The following WDPCP variants were observed in gnomAD, a reference collection of about 807,000 sequenced individuals.
The protein encoded by WDPCP is WD repeat-containing and planar cell polarity effector protein fritz homolog.
WDPCP carries 71 observed loss-of-function variants against 93.1 expected under a neutral mutation model. The observed-to-expected ratio is 0.76, with a 90% CI of 0.63 to 0.93. The LOEUF is 0.93. Ranked by LOEUF, WDPCP falls within the 40% of genes least tolerant of loss-of-function variation. WDPCP has a pLI of 0.00. For synonymous variants in WDPCP, 315 were observed against 315.0 expected, an observed-to-expected ratio of 1.00 and a Z score of 0.00; for missense variants, 844 against 887.4, an observed-to-expected ratio of 0.95 and a Z score of 0.62.
At chr2:63,203,821 TTG>T (rs1676107785) in intron 14 of WDPCP, among the ~76,000 whole-genome samples, 1 of 152,252 alleles carries the variant, frequency 6.6e-6, no homozygotes. Context: ...CATGAGAAGT[TTG>T]TCTCTCTGTG....
intron 14 of WDPCP, among the ~76,000 whole-genome samples, chr2:63,183,811 G>T (rs1465862712): frequency 6.6e-6 from 1 of 152,014 alleles, no homozygotes; most frequent in Non-Finnish European, 1.5e-5. Flanking sequence ...TCCAGTGTTT[G>T]GTGTGTATAT....
At chr2:63,302,483 C>A (rs1246726116) in intron 13 of WDPCP, among the ~76,000 whole-genome samples, 1 of 152,010 alleles carries the variant, frequency 6.6e-6, no homozygotes, top group Non-Finnish European at 1.5e-5. Context: ...AATGTTCTTC[C>A]AACTTTGGAA....
chr2:63,829,958 T>C (rs1157816393), upstream of WDPCP, among the ~76,000 whole-genome samples: 1 of 152,058 alleles, frequency 6.6e-6, no homozygotes, highest in Non-Finnish European at 1.5e-5. Flanking sequence ...CAATGTCAAA[T>C]GGATTTTCTT....
At chr2:63,204,814 T>C (rs916703395) in intron 14 of WDPCP, among the ~76,000 whole-genome samples, 1 of 152,212 alleles carries the variant, frequency 6.6e-6, no homozygotes, top group African/African-American at 2.4e-5. Context: ...CTCTTCACTT[T>C]GTGGATTGTT....
intron 9 of WDPCP, among the ~76,000 whole-genome samples, chr2:63,407,480 C>T (rs181719982): frequency 1.3e-5 from 2 of 152,294 alleles, no homozygotes; most frequent in African/African-American, 4.8e-5. Flanking sequence ...CTCCTACAGT[C>T]TCCCCTCCAG....
intron 2 of WDPCP, among the ~76,000 whole-genome samples, chr2:63,711,865 A>G (rs531850028): frequency 6.6e-6 from 1 of 152,334 alleles, no homozygotes; most frequent in East Asian, 1.9e-4. Context: ...GCTGAAACAC[A>G]TTCCTGACCT....
intron 13 of WDPCP, among the ~76,000 whole-genome samples, chr2:63,263,830 C>T (rs1681860306): frequency 6.6e-6 from 1 of 152,162 alleles, no homozygotes; most frequent in African/African-American, 2.4e-5. Flanking sequence ...AAATTGCAAA[C>T]AAGTGGCCAC....
intron 1 of WDPCP, among the ~76,000 whole-genome samples, chr2:63,527,211 G>C (rs1212170489): frequency 6.6e-6 from 1 of 150,544 alleles, no homozygotes; most frequent in African/African-American, 2.5e-5. Context: ...ACAGAGCAAA[G>C]GGCAGGCATG....
intron 13 of WDPCP, among the ~76,000 whole-genome samples, chr2:63,311,733 A>G (rs72894350): frequency 1.2e-3 from 189 of 152,304 alleles, no homozygotes; most frequent in African/African-American, 4.3e-3. Flanking sequence ...TGAGACCGAA[A>G]GCTGAAAGAG....
At chr2:63,579,530 A>G (rs1708351225) in intron 1 of WDPCP, among the ~76,000 whole-genome samples, 1 of 152,148 alleles carries the variant, frequency 6.6e-6, no homozygotes, top group African/African-American at 2.4e-5. Flanking sequence ...GAATCACTTG[A>G]ACCCAGGAGG....
chr2:63,716,178 T>C (rs528799642), intron 2 of WDPCP, among the ~76,000 whole-genome samples: 13 of 152,324 alleles, frequency 8.5e-5, no homozygotes, highest in Middle Eastern at 3.4e-3. Flanking sequence ...TCCACTTCTC[T>C]GACTCTGGGA....
At chr2:63,510,604 A>T (rs1702169153) in intron 1 of WDPCP, among the ~76,000 whole-genome samples, 2 of 152,222 alleles carry the variant, frequency 1.3e-5, no homozygotes, top group African/African-American at 4.8e-5. Context: ...AAAGAAAGAA[A>T]TAAAGCGTAT....
At chr2:63,743,738 C>G (rs965358284) in intron 2 of WDPCP, among the ~76,000 whole-genome samples, 1 of 151,890 alleles carries the variant, frequency 6.6e-6, no homozygotes, top group African/African-American at 2.4e-5. Context: ...ATACTAAAAG[C>G]TTTTTAAAAA....
intron 2 of WDPCP, among the ~76,000 whole-genome samples, chr2:63,723,035 C>G (rs1285374568): frequency 6.6e-6 from 1 of 152,090 alleles, no homozygotes; most frequent in Non-Finnish European, 1.5e-5. Flanking sequence ...CAGCGTTGAA[C>G]GGATTAAGGG....
intron 13 of WDPCP, among the ~76,000 whole-genome samples, chr2:63,259,991 T>G (rs1350101239): frequency 6.6e-6 from 1 of 152,116 alleles, no homozygotes; most frequent in Non-Finnish European, 1.5e-5. Flanking sequence ...CAAAAAAGTA[T>G]GATAGATTTT....
intron 14 of WDPCP, among the ~76,000 whole-genome samples, chr2:63,200,031 A>G (rs899206307): frequency 3.3e-5 from 5 of 152,182 alleles, no homozygotes; most frequent in African/African-American, 1.2e-4. Context: ...TTTAAGAGCT[A>G]ATGACTGCTC....
At chr2:63,348,802 C>CA (rs763833082) in intron 12 of WDPCP, among the ~76,000 whole-genome samples, 5 of 151,968 alleles carry the variant, frequency 3.3e-5, no homozygotes, top group African/African-American at 7.2e-5. Flanking sequence ...AGATAAGGCC[C>CA]AACAAAGGAG....
intron 2 of WDPCP, among the ~76,000 whole-genome samples, chr2:63,730,400 T>C (rs1480224631): frequency 6.6e-6 from 1 of 152,148 alleles, no homozygotes; most frequent in East Asian, 1.9e-4. Context: ...GGAGTGCAAA[T>C]GGTCAGGCCT....
At chr2:63,443,177 T>C (rs2105554330) in intron 6 of WDPCP, 1 of 152,282 alleles carries the variant, frequency 6.6e-6, no homozygotes, top group African/African-American at 2.4e-5. Context: ...GTGCTGAGAA[T>C]ACAGCAATGA....
Sources: gnomAD v4.1 joint callset for allele counts (sites outside exome capture counted in the v4.1 genomes callset) on GRCh38, gnomAD v4.1.1 for gene constraint, MANE v1.5 for transcripts, NCBI Gene and HGNC (gene_info 2026-07-23, HGNC 2026-07-21) for gene names.